UBE2D3: variants seen among roughly 807,000 people sequenced by gnomAD.
The protein encoded by UBE2D3 is ubiquitin-conjugating enzyme E2 D3.
A neutral mutation model predicts 22.8 loss-of-function variants in UBE2D3; 2 were observed. That is an observed-to-expected ratio of 0.09 (90% CI 0.04 to 0.28). The LOEUF (loss-of-function observed/expected upper bound fraction) is 0.28. UBE2D3 is among the 10% of genes least tolerant of loss of function. The pLI is 1.00. For missense variants in UBE2D3, 27 were observed against 182.5 expected (o/e 0.15, Z 4.91); for synonymous variants, 56 against 60.4 (o/e 0.93, Z 0.34).
chr4:102,830,627 G>A (rs1388550057), upstream of UBE2D3, among the ~76,000 whole-genome samples: 5 of 152,206 alleles, frequency 3.3e-5, no homozygotes, highest in Non-Finnish European at 7.3e-5. Flanking sequence ...ACTTTGTGAG[G>A]CCAAGGTGGA....
chr4:102,865,062 CTT>C (rs1477682192), intron 1 of UBE2D3, among the ~76,000 whole-genome samples: 1 of 152,152 alleles, frequency 6.6e-6, no homozygotes, highest in Non-Finnish European at 1.5e-5. Context: ...AAGTTTAAAA[CTT>C]TTAGCAAAAA....
At chr4:102,798,733 G>A (rs576716824) in intron 7 of UBE2D3, among the ~76,000 whole-genome samples, 2 of 150,860 alleles carry the variant, frequency 1.3e-5, no homozygotes, top group East Asian at 2.0e-4. Context: ...GCTTTGCCAT[G>A]CAGTACTTTC....
At chr4:102,827,137 G>A (rs1377741265) in intron 1 of UBE2D3, 1 of 986,562 alleles carries the variant, frequency 1.0e-6, no homozygotes, top group Non-Finnish European at 1.2e-6. Context: ...CACCCCTGAC[G>A]CCACCGTACA....
At chr4:102,823,549 T>C (rs1729965756) in intron 2 of UBE2D3, among the ~76,000 whole-genome samples, 1 of 152,234 alleles carries the variant, frequency 6.6e-6, no homozygotes, top group African/African-American at 2.4e-5. Flanking sequence ...GCTATTCTTT[T>C]AGGCTTGGTT....
chr4:102,848,234 G>A (rs902090305), intron 1 of UBE2D3, among the ~76,000 whole-genome samples: 1 of 152,012 alleles, frequency 6.6e-6, no homozygotes, highest in African/African-American at 2.4e-5. Flanking sequence ...AAACTGGCTG[G>A]GCACAGTGAC....
At chr4:102,797,680 C>G (rs1392124560) in intron 7 of UBE2D3, among the ~76,000 whole-genome samples, 1 of 151,916 alleles carries the variant, frequency 6.6e-6, no homozygotes, top group Non-Finnish European at 1.5e-5. Context: ...TTAAAAACAA[C>G]TAAGAAAGCA....
At chr4:102,842,792 TAG>T (rs1731828792) in intron 1 of UBE2D3, among the ~76,000 whole-genome samples, 3 of 152,156 alleles carry the variant, frequency 2.0e-5, no homozygotes, top group African/African-American at 7.2e-5. Flanking sequence ...AAGCTGTTCT[TAG>T]AGGCTTAACT....
chr4:102,809,977 T>G (rs986419461), intron 2 of UBE2D3, 122 bp from the exon 3 acceptor site: 1 of 912,640 alleles, frequency 1.1e-6, no homozygotes, highest in Non-Finnish European at 1.8e-6. Context: ...ACAATTCACA[T>G]AAATAATATA....
intron 1 of UBE2D3, among the ~76,000 whole-genome samples, chr4:102,859,782 C>G (rs1390894041): frequency 6.6e-6 from 1 of 151,520 alleles, no homozygotes; most frequent in Non-Finnish European, 1.5e-5. Flanking sequence ...TTGATTCAAT[C>G]TGCCACTGAA....
rs753236918 is a variant in UBE2D3 at position 102,826,546 on chromosome 4, G to A, written c.-38C>T. Reference sequence around the variant, plus strand: ...TCGTCTGGCTCCTCACTCTCTCGGTGTATGCTCAAAGGTCCGGCCAAAACT... The same window carrying A: ...TCGTCTGGCTCCTCACTCTCTCGGTATATGCTCAAAGGTCCGGCCAAAACT... On this transcript the variant is annotated 5_prime_UTR_variant, in exon 2 of 8. Transcript: ENST00000453744. 14 of 1,611,844 alleles carry A rather than the reference G, an allele frequency of 8.7e-6. No homozygotes were observed. The South Asian group carries it at 1.4e-4, about 16-fold the overall frequency.
chr4:102,824,867 C>T (rs991299179), intron 2 of UBE2D3, among the ~76,000 whole-genome samples: 1 of 152,190 alleles, frequency 6.6e-6, no homozygotes, highest in South Asian at 2.1e-4. Flanking sequence ...ATGTTCCTGG[C>T]CTTTAAAGTG....
At chr4:102,840,909 C>T (rs894911493) in intron 1 of UBE2D3, among the ~76,000 whole-genome samples, 6 of 151,826 alleles carry the variant, frequency 4.0e-5, no homozygotes, top group Non-Finnish European at 7.4e-5. Flanking sequence ...CCCAGCTACT[C>T]AGGAGGCTGA....
chr4:102,827,577 T>TC (rs951365139), upstream of UBE2D3: 445 of 986,382 alleles, frequency 4.5e-4, no homozygotes, highest in Non-Finnish European at 5.0e-4. Context: ...GCTCCGCCCC[T>TC]CCCCCTCCTC....
exon 1 of UBE2D3, chr4:102,868,718 T>G: frequency 6.2e-7 from 1 of 1,614,048 alleles, no homozygotes; most frequent in Non-Finnish European, 8.5e-7. Context: ...GACTCACTTT[T>G]GAAAGGCACT....
At chr4:102,799,079 AT>A in intron 7 of UBE2D3, 1 of 1,299,932 alleles carries the variant, frequency 7.7e-7, no homozygotes, top group Non-Finnish European at 1.1e-6. Context: ...TTTAGACCAA[AT>A]TTTTACAATA....
intron 1 of UBE2D3, 123 bp from the exon 2 acceptor site, chr4:102,826,759 C>T: frequency 7.5e-7 from 1 of 1,340,282 alleles, no homozygotes; most frequent in South Asian, 1.8e-5. Flanking sequence ...CCACCAACAG[C>T]CTCTGTACCG....
At chr4:102,800,441 C>T (rs1725977272) in intron 6 of UBE2D3, among the ~76,000 whole-genome samples, 1 of 151,966 alleles carries the variant, frequency 6.6e-6, no homozygotes, top group Admixed American at 6.6e-5. Flanking sequence ...AAGTAAGTTG[C>T]TTTAACGACA....
Position 102,826,567 on chromosome 4 carries a change from A to G in UBE2D3, c.-59T>C. The stretch of plus-strand genomic sequence containing the variant: ...CGGTGTATGCTCAAAGGTCCGGCCA[A>G]AACTCTTGATTATCCCGGCGGCGGG... On this transcript the variant is annotated 5_prime_UTR_variant, in exon 2 of 8. Transcript: ENST00000453744. 6.2e-7 allele frequency: 1 copy of G among 1,608,798 alleles called. No homozygotes were observed. Among genetic ancestry groups the G allele is most frequent in the Non-Finnish European group, 8.5e-7 (1 of 1,179,576 alleles).
intron 1 of UBE2D3, among the ~76,000 whole-genome samples, chr4:102,854,835 G>A (rs541873092): frequency 6.6e-6 from 1 of 152,300 alleles, no homozygotes; most frequent in East Asian, 1.9e-4. Context: ...AAACTTAAGA[G>A]GAAACCATAG....
Sources: gnomAD v4.1 joint callset for allele counts (sites outside exome capture counted in the v4.1 genomes callset) on GRCh38, gnomAD v4.1.1 for gene constraint, MANE v1.5 for transcripts, NCBI Gene and HGNC (gene_info 2026-07-23, HGNC 2026-07-21) for gene names.